The following CDH13 variants were observed in gnomAD, a reference collection of about 807,000 sequenced individuals.
CDH13 encodes cadherin-13.
CDH13 carries 24 observed loss-of-function variants against 63.8 expected under a neutral mutation model. That is an observed-to-expected ratio of 0.38 (90% CI 0.27 to 0.53). The LOEUF (loss-of-function observed/expected upper bound fraction) is 0.53, where lower values mean the gene tolerates loss of function less well. Ranked by LOEUF, CDH13 falls within the 20% of genes least tolerant of loss-of-function variation. The pLI is 0.85. For synonymous variants in CDH13, 503 were observed against 355.3 expected (o/e 1.42, Z -4.67); for missense variants, 1,049 against 903.1 (o/e 1.16, Z -2.07).
chr16:83,217,633 C>T, intron 5 of CDH13, 136 bp downstream of exon 5: 3 of 864,124 alleles, frequency 3.5e-6, no homozygotes, highest in Non-Finnish European at 5.3e-6. Flanking sequence ...TCTGTGGGAG[C>T]TGAAGTGGAT....
At chr16:83,265,411 A>G (rs917387752) in intron 5 of CDH13, among the ~76,000 whole-genome samples, 3 of 152,106 alleles carry the variant, frequency 2.0e-5, no homozygotes, top group African/African-American at 7.2e-5. Flanking sequence ...AGTTGAATAT[A>G]TTTTTCAATA....
chr16:83,263,037 C>T (rs1414380771), intron 5 of CDH13, among the ~76,000 whole-genome samples: 1 of 152,094 alleles, frequency 6.6e-6, no homozygotes, highest in Non-Finnish European at 1.5e-5. Flanking sequence ...CTTGGCAAAC[C>T]GTCTGGTGTT....
At chr16:83,756,558 C>CT (rs918928845) in intron 11 of CDH13, among the ~76,000 whole-genome samples, 57 of 152,190 alleles carry the variant, frequency 3.7e-4, no homozygotes, top group Admixed American at 2.0e-3. Context: ...TTTTTTGGCG[C>CT]TTTTTTTATA....
intron 3 of CDH13, among the ~76,000 whole-genome samples, chr16:83,037,023 G>T (rs1431309449): frequency 2.0e-5 from 3 of 152,188 alleles, no homozygotes; most frequent in African/African-American, 7.2e-5. Context: ...TATGACAGGA[G>T]CTATGGAGCC....
intron 2 of CDH13, among the ~76,000 whole-genome samples, chr16:82,910,412 C>T (rs1270898843): frequency 6.6e-6 from 1 of 152,150 alleles, no homozygotes; most frequent in Admixed American, 6.5e-5. Flanking sequence ...CCCTCCAGCC[C>T]CTACCTTTTG....
At chr16:83,003,136 A>T (rs1201407510) in intron 2 of CDH13, among the ~76,000 whole-genome samples, 1 of 152,152 alleles carries the variant, frequency 6.6e-6, no homozygotes, top group Non-Finnish European at 1.5e-5. Flanking sequence ...TTATGTAAAT[A>T]TTTATCTCAT....
intron 1 of CDH13, among the ~76,000 whole-genome samples, chr16:82,669,827 C>T (rs1056389333): frequency 1.3e-5 from 2 of 152,220 alleles, no homozygotes; most frequent in Non-Finnish European, 2.9e-5. Flanking sequence ...GACAAATGTC[C>T]TGATCTCACT....
chr16:83,129,944 T>C (rs2035977391), intron 4 of CDH13, among the ~76,000 whole-genome samples: 1 of 152,224 alleles, frequency 6.6e-6, no homozygotes, highest in African/African-American at 2.4e-5. Context: ...CCTGGGCTTT[T>C]GAAACCCCCT....
intron 7 of CDH13, among the ~76,000 whole-genome samples, chr16:83,544,064 A>C (rs1393512240): frequency 6.6e-6 from 1 of 152,192 alleles, no homozygotes; most frequent in East Asian, 1.9e-4. Context: ...AGCTGCACCC[A>C]GTGGTTACTA....
intron 6 of CDH13, among the ~76,000 whole-genome samples, chr16:83,409,036 G>A (rs900912575): frequency 6.6e-6 from 1 of 152,124 alleles, no homozygotes; most frequent in African/African-American, 2.4e-5. Flanking sequence ...GGTTTCCACA[G>A]ATGCTGATGC....
chr16:82,993,171 C>G (rs944975724), intron 2 of CDH13, among the ~76,000 whole-genome samples: 2 of 152,020 alleles, frequency 1.3e-5, no homozygotes, highest in African/African-American at 4.8e-5. Flanking sequence ...TATCTGTTTC[C>G]TTCTGCTAAC....
At chr16:83,538,667 G>C (rs1326072175) in intron 7 of CDH13, among the ~76,000 whole-genome samples, 4 of 152,184 alleles carry the variant, frequency 2.6e-5, no homozygotes, top group Non-Finnish European at 4.4e-5. Flanking sequence ...TTTTTATCAG[G>C]GATGTGGATG....
At chr16:83,216,669 C>T (rs2039542385) in intron 4 of CDH13, among the ~76,000 whole-genome samples, 1 of 144,208 alleles carries the variant, frequency 6.9e-6, no homozygotes, top group Non-Finnish European at 1.5e-5. Flanking sequence ...AGGGGTTTCA[C>T]ATATATAAAA....
intron 2 of CDH13, among the ~76,000 whole-genome samples, chr16:82,929,288 A>T (rs1410490421): frequency 6.6e-6 from 1 of 152,002 alleles, no homozygotes; most frequent in Non-Finnish European, 1.5e-5. Context: ...TACTCTCAGG[A>T]TATTATGAGA....
intron 7 of CDH13, among the ~76,000 whole-genome samples, chr16:83,512,951 C>G (rs1202189979): frequency 6.6e-6 from 1 of 151,806 alleles, no homozygotes; most frequent in Non-Finnish European, 1.5e-5. Flanking sequence ...TCAAGCCCTG[C>G]AAGCTTTTTA....
chr16:83,109,553 C>T (rs57154009), intron 3 of CDH13, among the ~76,000 whole-genome samples: 6 of 152,000 alleles, frequency 3.9e-5, no homozygotes, highest in Non-Finnish European at 7.4e-5. Flanking sequence ...TTTCCAAGTG[C>T]GGGTTTTCTA....
intron 1 of CDH13, among the ~76,000 whole-genome samples, chr16:82,779,798 T>C (rs1301314067): frequency 6.6e-6 from 1 of 152,012 alleles, no homozygotes; most frequent in Non-Finnish European, 1.5e-5. Flanking sequence ...GGTAGAAAGA[T>C]TTTGGAAGTC....
chr16:83,289,804 A>G (rs899869817), intron 5 of CDH13, among the ~76,000 whole-genome samples: 14 of 152,346 alleles, frequency 9.2e-5, no homozygotes, highest in African/African-American at 3.1e-4. Context: ...GACAATGTCT[A>G]TCATACAGTT....
chr16:82,715,840 C>T (rs183255864), intron 1 of CDH13, among the ~76,000 whole-genome samples: 92 of 152,258 alleles, frequency 6.0e-4, no homozygotes, highest in Non-Finnish European at 8.1e-4. Flanking sequence ...TTTTATTTCC[C>T]CTGCTCTCAA....
Sources: allele counts gnomAD v4.1 joint callset (sites outside exome capture counted in the v4.1 genomes callset), GRCh38; gene constraint gnomAD v4.1.1; transcripts MANE v1.5; gene names NCBI Gene and HGNC (gene_info 2026-07-23, HGNC 2026-07-21).